MBD5: variants seen among roughly 807,000 people sequenced by gnomAD.
MBD5 encodes methyl-CpG-binding domain protein 5.
Under a neutral mutation model 117.3 loss-of-function variants are expected in MBD5, and 13 were observed. The ratio of observed to expected loss-of-function variants is 0.11; its 90% confidence interval spans 0.07 to 0.18. MBD5 has a LOEUF of 0.18. MBD5 is among the 10% of genes least tolerant of loss of function. MBD5 has a pLI of 1.00. For missense variants in MBD5, 1,879 were observed against 2,093.8 expected (o/e 0.90, Z 2.00); for synonymous variants, 727 against 766.4 (o/e 0.95, Z 0.85).
chr2:148,137,111 A>G (rs1266055807), intron 1 of MBD5, among the ~76,000 whole-genome samples: 2 of 152,110 alleles, frequency 1.3e-5, no homozygotes, highest in African/African-American at 2.4e-5. Flanking sequence ...AGCAACTTGC[A>G]GCTCTTCTTA....
intron 1 of MBD5, among the ~76,000 whole-genome samples, chr2:148,144,254 A>T (rs973333346): frequency 6.8e-4 from 103 of 151,796 alleles, no homozygotes; most frequent in African/African-American, 2.2e-3. Flanking sequence ...TCTTTTGAGA[A>T]GTGTCTGTTC....
At chr2:148,207,146 C>T (rs1699302677) in intron 2 of MBD5, among the ~76,000 whole-genome samples, 2 of 152,242 alleles carry the variant, frequency 1.3e-5, no homozygotes, top group South Asian at 4.2e-4. Flanking sequence ...AGGTACAGGA[C>T]CACGTAACTT....
chr2:148,384,138 G>C (rs1171035041), intron 4 of MBD5, among the ~76,000 whole-genome samples: 1 of 152,014 alleles, frequency 6.6e-6, no homozygotes, highest in Non-Finnish European at 1.5e-5. Context: ...AGGAAATAAA[G>C]GGCATTCAAT....
At chr2:148,221,973 A>G (rs1036470667) in intron 2 of MBD5, among the ~76,000 whole-genome samples, 1 of 152,158 alleles carries the variant, frequency 6.6e-6, no homozygotes, top group Non-Finnish European at 1.5e-5. Flanking sequence ...ATTCTTGTGC[A>G]TATGGATATT....
chr2:148,265,999 A>T (rs1483455686), intron 3 of MBD5, among the ~76,000 whole-genome samples: 1 of 152,130 alleles, frequency 6.6e-6, no homozygotes, highest in Non-Finnish European at 1.5e-5. Flanking sequence ...GGCGACTTAG[A>T]TTGGGGTGGA....
chr2:148,483,244 A>G lies in MBD5; in HGVS notation c.2653A>G (p.Ile885Val), dbSNP rs2105072567. 2 of 1,614,074 alleles carry G rather than the reference A, an allele frequency of 1.2e-6. No homozygotes were observed. Among genetic ancestry groups the G allele is most frequent in the Non-Finnish European group, 1.7e-6 (2 of 1,180,012 alleles). ...AAACCCACTGCAGAGTCAGCTACCC[A>G]TTGGGAGTGATTTTCCTTTTGTTGG... is the stretch of plus-strand genomic sequence containing the variant. ...AGNPLQSQLP[I>V]GSDFPFVGQE... Residue 885 changes from isoleucine (I) to valine (V), a missense_variant, in exon 9 of 14, where the codon ATT (isoleucine) becomes GTT (valine). Ile to Val is a conservative substitution (Grantham distance 29). Coordinates refer to ENST00000642680, the MANE Select transcript of MBD5 (RefSeq NM_001378120.1).
intron 4 of MBD5, among the ~76,000 whole-genome samples, chr2:148,357,863 A>G (rs10497033): frequency 0.11 from 16,025 of 152,032 alleles, 1,022 homozygotes; most frequent in African/African-American, 0.16. Context: ...GTCATTGTTC[A>G]TTATACAAAT....
At chr2:148,324,138 A>G (rs577980965) in intron 3 of MBD5, among the ~76,000 whole-genome samples, 7 of 152,220 alleles carry the variant, frequency 4.6e-5, no homozygotes, top group Non-Finnish European at 8.8e-5. Context: ...GGTTTGTCAA[A>G]GATCAGGTAG....
intron 8 of MBD5, among the ~76,000 whole-genome samples, chr2:148,480,895 A>G (rs1681128035): frequency 6.6e-6 from 1 of 152,148 alleles, no homozygotes; most frequent in Non-Finnish European, 1.5e-5. Flanking sequence ...GCAGACCAAG[A>G]CAGCCAGGAA....
intron 1 of MBD5, among the ~76,000 whole-genome samples, chr2:148,085,676 A>T (rs1473413847): frequency 1.3e-5 from 2 of 151,366 alleles, no homozygotes; most frequent in African/African-American, 4.9e-5. Context: ...GTGAGCCGAG[A>T]TCCCGCCACT....
intron 1 of MBD5, among the ~76,000 whole-genome samples, chr2:148,032,960 T>G (rs1694083627): frequency 6.6e-6 from 1 of 152,164 alleles, no homozygotes; most frequent in Admixed American, 6.5e-5. Flanking sequence ...CTGGGTATGA[T>G]TGACTAAGCT....
intron 2 of MBD5, among the ~76,000 whole-genome samples, chr2:148,200,292 A>G (rs1699103058): frequency 1.3e-5 from 2 of 152,130 alleles, no homozygotes; most frequent in Non-Finnish European, 2.9e-5. Context: ...TTTGCAATCT[A>G]ATAGAGGTAC....
Position 148,021,542 on chromosome 2 carries a change from A to G in MBD5, c.-1067A>G, listed in dbSNP as rs1339877917. On this transcript the variant is annotated 5_prime_UTR_variant, in exon 1 of 14. Coordinates refer to ENST00000642680, the MANE Select transcript of MBD5 (RefSeq NM_001378120.1). ...CTGCTGCTTGGCCCTGGCTGGAGAC[A>G]TCTCACTACACCCAGGAGCAGCCAC... 2.3e-5 allele frequency: 13 copies of G among 555,242 alleles called. No individual in the cohort carries two copies. The highest frequency in any genetic ancestry group is 3.8e-5 in the Non-Finnish European group (11 of 288,290). The allele number at this position is 555,242 out of a possible 1,614,324, so 34.4% of individuals were successfully genotyped here.
chr2:148,443,747 A>C (rs1574428813), intron 4 of MBD5, among the ~76,000 whole-genome samples: 6 of 151,296 alleles, frequency 4.0e-5, no homozygotes, highest in African/African-American at 1.5e-4. Flanking sequence ...AGAGGCTGGG[A>C]AGGGTAGTGG....
At chr2:148,405,764 G>T (rs147287963) in intron 4 of MBD5, among the ~76,000 whole-genome samples, 83 of 152,204 alleles carry the variant, frequency 5.5e-4, no homozygotes, top group Non-Finnish European at 9.1e-4. Flanking sequence ...TGTATGTTCA[G>T]AGAGTCCTTT....
intron 8 of MBD5, among the ~76,000 whole-genome samples, chr2:148,478,576 A>G: frequency 6.6e-6 from 1 of 151,968 alleles, no homozygotes; most frequent in Admixed American, 6.6e-5. Context: ...AAGAAAAGAA[A>G]CCTGTCCTAC....
At chr2:148,212,056 C>T (rs6430303) in intron 2 of MBD5, among the ~76,000 whole-genome samples, 148,466 of 152,320 alleles carry the variant, frequency 0.97, 72,475 homozygotes, top group East Asian at 1. Flanking sequence ...GCCCAGCCCA[C>T]TGTTTTTTAA....
At chr2:148,457,950 T>A (rs1007562234) in intron 4 of MBD5, among the ~76,000 whole-genome samples, 3 of 152,158 alleles carry the variant, frequency 2.0e-5, no homozygotes, top group Non-Finnish European at 2.9e-5. Flanking sequence ...TATGTGTATA[T>A]GTAATGCCAT....
At chr2:148,341,336 G>GA (rs972791891) in intron 3 of MBD5, among the ~76,000 whole-genome samples, 1 of 147,790 alleles carries the variant, frequency 6.8e-6, no homozygotes, top group Non-Finnish European at 1.5e-5. Context: ...TTTAATGTAA[G>GA]TTTTTTTTTT....
Sources: gnomAD v4.1 joint callset for allele counts (sites outside exome capture counted in the v4.1 genomes callset) on GRCh38, gnomAD v4.1.1 for gene constraint, MANE v1.5 for transcripts, NCBI Gene and HGNC (gene_info 2026-07-23, HGNC 2026-07-21) for gene names.